WIPF3: variants seen among roughly 807,000 people sequenced by gnomAD.
WIPF3 encodes WAS/WASL interacting protein family member 3.
Under a neutral mutation model 38.9 loss-of-function variants are expected in WIPF3, and 33 were observed. The observed-to-expected ratio is 0.85, with a 90% confidence interval of 0.64 to 1.14. WIPF3 has a LOEUF of 1.14. Among genes scored for constraint, WIPF3 ranks in the 50% most tolerant of loss-of-function variants. WIPF3 has a pLI of 0.00. For synonymous variants in WIPF3, 324 were observed against 269.3 expected (o/e 1.20, Z -1.99); for missense variants, 711 against 652.5 (o/e 1.09, Z -0.98).
chr7:29,809,036 G>A (rs1215530535), intron 1 of WIPF3, among the ~76,000 whole-genome samples: 1 of 152,090 alleles, frequency 6.6e-6, no homozygotes, highest in Non-Finnish European at 1.5e-5. Context: ...TCAGCAAAAG[G>A]AAGGAAATGT....
intron 2 of WIPF3, among the ~76,000 whole-genome samples, chr7:29,858,294 C>T (rs1386026101): frequency 6.6e-6 from 1 of 152,188 alleles, no homozygotes; most frequent in African/African-American, 2.4e-5. Flanking sequence ...TCACCCCACC[C>T]TCAACAAGGC....
At chr7:29,855,951 C>A (rs1381481633) in intron 2 of WIPF3, among the ~76,000 whole-genome samples, 1 of 152,132 alleles carries the variant, frequency 6.6e-6, no homozygotes, top group Non-Finnish European at 1.5e-5. Flanking sequence ...TGTTGTTTAT[C>A]TGAAATTCAG....
intron 2 of WIPF3, among the ~76,000 whole-genome samples, chr7:29,845,646 T>C (rs917407270): frequency 7.2e-5 from 11 of 152,216 alleles, no homozygotes; most frequent in African/African-American, 1.9e-4. Flanking sequence ...AGCTTGCTTC[T>C]CTGCATATCA....
intron 7 of WIPF3, among the ~76,000 whole-genome samples, chr7:29,899,326 G>A (rs80145296): frequency 0.011 from 1,639 of 152,308 alleles, 35 homozygotes; most frequent in East Asian, 0.057. Flanking sequence ...CCCTGTATAA[G>A]ACAGAAGCTC....
intron 2 of WIPF3, among the ~76,000 whole-genome samples, chr7:29,852,812 G>A (rs1037359884): frequency 2.0e-5 from 3 of 152,216 alleles, no homozygotes; most frequent in Non-Finnish European, 4.4e-5. Context: ...AAAAAGGAAG[G>A]AGTGTGTGTC....
At chr7:29,841,320 T>A (rs925533782) in intron 2 of WIPF3, among the ~76,000 whole-genome samples, 7 of 152,186 alleles carry the variant, frequency 4.6e-5, no homozygotes, top group Non-Finnish European at 1.0e-4. Flanking sequence ...CCTCACCCCT[T>A]CTTGCTCCTC....
chr7:29,806,992 G>A (rs934954035), intron 1 of WIPF3, among the ~76,000 whole-genome samples: 10 of 151,826 alleles, frequency 6.6e-5, no homozygotes, highest in African/African-American at 2.4e-4. Context: ...GACTTCTCCG[G>A]ACTGGACTCC....
intron 2 of WIPF3, among the ~76,000 whole-genome samples, chr7:29,867,644 C>T (rs546734971): frequency 1.7e-4 from 24 of 137,514 alleles, no homozygotes; most frequent in Non-Finnish European, 3.3e-4. Context: ...CAAATTTTCT[C>T]GTAATTTAAA....
At chr7:29,860,556 G>A (rs1785257689) in intron 2 of WIPF3, among the ~76,000 whole-genome samples, 1 of 152,152 alleles carries the variant, frequency 6.6e-6, no homozygotes, top group Admixed American at 6.5e-5. Context: ...TGCACAGCCT[G>A]CAGGACTGTA....
At chr7:29,902,268 C>CTTTTTTTT (rs1267369053) in intron 7 of WIPF3, among the ~76,000 whole-genome samples, 1 of 117,356 alleles carries the variant, frequency 8.5e-6, no homozygotes, top group Non-Finnish European at 1.7e-5. Flanking sequence ...TCTTCTTCTT[C>CTTTTTTTT]TTCTTCTTTT....
chr7:29,883,918 G>C lies in WIPF3; in HGVS notation c.424G>C (p.Gly142Arg). 1 of 1,569,848 alleles carries C rather than the reference G, an allele frequency of 6.4e-7. No homozygotes were observed. The highest frequency in any genetic ancestry group is 1.2e-5 in the South Asian group (1 of 85,590). ...CAGGCTTCCCAACAAAACCATCAGC[G>C]GCCCGCTTATCCCGCCTGCCTCTCC... The part of the protein sequence containing the change: ...SPRLPNKTIS[G>R]PLIPPASPRL... Residue 142 changes from glycine (G) to arginine (R), a missense_variant, in exon 5 of 9, where the codon GGC becomes CGC. Gly to Arg is a moderately radical substitution (Grantham distance 125). Coordinates refer to ENST00000242140, the MANE Select transcript of WIPF3 (RefSeq NM_001080529.3).
chr7:29,807,379 A>C (rs1183391017), intron 1 of WIPF3, among the ~76,000 whole-genome samples: 1 of 152,066 alleles, frequency 6.6e-6, no homozygotes, highest in Admixed American at 6.5e-5. Flanking sequence ...GGTCCTTTGG[A>C]GGATTAGGTG....
intron 2 of WIPF3, among the ~76,000 whole-genome samples, chr7:29,854,392 G>A (rs759395983): frequency 1.3e-5 from 2 of 152,158 alleles, no homozygotes; most frequent in African/African-American, 2.4e-5. Flanking sequence ...ATGGAGTGTG[G>A]CATTTTAATA....
chr7:29,872,798 C>CAAAA (rs61693654), intron 2 of WIPF3, among the ~76,000 whole-genome samples: 597 of 31,036 alleles, frequency 0.019, 128 homozygotes, highest in African/African-American at 0.036. Context: ...GACTCCATCT[C>CAAAA]AAAAAAAAAA....
At chr7:29,840,901 G>A (rs536246405) in intron 2 of WIPF3, among the ~76,000 whole-genome samples, 2 of 152,202 alleles carry the variant, frequency 1.3e-5, no homozygotes, top group South Asian at 2.1e-4. Flanking sequence ...CAGGGTGATC[G>A]GACATACCCT....
At chr7:29,837,992 C>T (rs1419374368) in intron 2 of WIPF3, among the ~76,000 whole-genome samples, 1 of 152,200 alleles carries the variant, frequency 6.6e-6, no homozygotes, top group East Asian at 1.9e-4. Flanking sequence ...TATCTCGGCT[C>T]ACTGCAAGCT....
At chr7:29,859,013 A>T (rs540925970) in intron 2 of WIPF3, among the ~76,000 whole-genome samples, 12 of 152,358 alleles carry the variant, frequency 7.9e-5, no homozygotes, top group African/African-American at 2.9e-4. Context: ...TCCTGCCTCA[A>T]GGAACTTACT....
At chr7:29,807,427 CCT>C (rs1299532560) in intron 1 of WIPF3, among the ~76,000 whole-genome samples, 1 of 152,200 alleles carries the variant, frequency 6.6e-6, no homozygotes, top group Non-Finnish European at 1.5e-5. Context: ...TCCCCCAGCC[CCT>C]GACACGCACT....
intron 3 of WIPF3, among the ~76,000 whole-genome samples, chr7:29,877,812 CT>C: frequency 6.6e-6 from 1 of 152,274 alleles, no homozygotes; most frequent in East Asian, 1.9e-4. Context: ...CATGTTTAGA[CT>C]TGGGTCCCAT....
Sources: gnomAD v4.1 joint callset for allele counts (sites outside exome capture counted in the v4.1 genomes callset) on GRCh38, gnomAD v4.1.1 for gene constraint, MANE v1.5 for transcripts, NCBI Gene and HGNC (gene_info 2026-07-23, HGNC 2026-07-21) for gene names.